The following CCDC13 variants were observed in gnomAD, a reference collection of about 807,000 sequenced individuals.
CCDC13 encodes the protein coiled-coil domain containing 13.
Under a neutral mutation model 87.3 loss-of-function variants are expected in CCDC13, and 70 were observed. That is an observed-to-expected ratio of 0.80 (90% CI 0.66 to 0.98). The LOEUF is 0.98. CCDC13 is among the 50% of genes least tolerant of loss of function. CCDC13 has a pLI of 0.00. For synonymous variants in CCDC13, 317 were observed against 360.3 expected (o/e 0.88, Z 1.36); for missense variants, 842 against 892.0 (o/e 0.94, Z 0.71).
chr3:42,723,332 G>A (rs1251862806), intron 13 of CCDC13, among the ~76,000 whole-genome samples: 1 of 152,108 alleles, frequency 6.6e-6, no homozygotes, highest in Admixed American at 6.6e-5. Flanking sequence ...ATTAGGTCAG[G>A]CCCACTCAGA....
chr3:42,714,000 C>T (rs2125869626), intron 13 of CCDC13: 1 of 152,272 alleles, frequency 6.6e-6, no homozygotes, highest in African/African-American at 2.4e-5. Flanking sequence ...GAATCCAGTT[C>T]CAGGTAGTTG....
intron 1 of CCDC13, among the ~76,000 whole-genome samples, chr3:42,764,974 C>T (rs1375295075): frequency 1.3e-5 from 2 of 152,334 alleles, no homozygotes; most frequent in African/African-American, 2.4e-5. Flanking sequence ...AGGCCTTCAA[C>T]TGTCATTTGT....
At chr3:42,724,997 T>C (rs75319458) in intron 13 of CCDC13, among the ~76,000 whole-genome samples, 4,252 of 152,180 alleles carry the variant, frequency 0.028, 185 homozygotes, top group African/African-American at 0.094. Flanking sequence ...CAAATAAAAA[T>C]ATAAACAACT....
chr3:42,738,178 C>T (rs954786690), intron 9 of CCDC13, among the ~76,000 whole-genome samples: 6 of 152,204 alleles, frequency 3.9e-5, no homozygotes, highest in African/African-American at 1.4e-4. Flanking sequence ...ATCCTTCCCC[C>T]ATTTCTTGTT....
downstream of CCDC13, chr3:42,704,144 C>CA (rs1030277755): frequency 6.8e-4 from 104 of 152,314 alleles, no homozygotes; most frequent in African/African-American, 2.4e-3. Flanking sequence ...TTAATGTCAC[C>CA]ACAGCCCATA....
intron 1 of CCDC13, among the ~76,000 whole-genome samples, chr3:42,763,309 C>T (rs967281150): frequency 1.3e-4 from 20 of 152,140 alleles, no homozygotes; most frequent in Non-Finnish European, 2.9e-5. Context: ...TTAGGCTGAA[C>T]TTAGAATATA....
At position 42,752,706 on chromosome 3, in the gene CCDC13, C is replaced by T. The variant is rs201462906; in HGVS notation, c.382G>A (p.Val128Ile). The change falls in exon 4 of 16, where the codon GTA becomes ATA. Residue 128 changes from valine to isoleucine, a missense_variant. Val to Ile is a conservative substitution (Grantham distance 29). Transcript: ENST00000310232. ...DRFAFTGTAG[V>I]AGDVVATKIV... The stretch of plus-strand genomic sequence containing the variant: ...TTGGTGGCGACCACGTCTCCGGCTA[C>T]ACCGGCTGTCCCTAAAATGAAAGGA... The T allele has an allele frequency of 1.1e-4, 170 of 1,614,006 alleles. No individual in the cohort carries two copies. The highest frequency in any genetic ancestry group is 4.5e-4 in the Admixed American group (27 of 60,010).
chr3:42,704,390 C>T (rs751751401), downstream of CCDC13: 3 of 152,274 alleles, frequency 2.0e-5, no homozygotes, highest in Non-Finnish European at 2.9e-5. Context: ...TGACCCTGAG[C>T]TGGTGTGACC....
intron 13 of CCDC13, among the ~76,000 whole-genome samples, chr3:42,729,564 G>A (rs1002161284): frequency 5.3e-5 from 8 of 152,292 alleles, no homozygotes; most frequent in Admixed American, 1.3e-4. Context: ...GGATACGGGC[G>A]CAGCACTGGC....
chr3:42,758,062 TACACACACACAC>T (rs3076826), intron 2 of CCDC13, 51 bp downstream of exon 2: 44 of 997,598 alleles, frequency 4.4e-5, no homozygotes, highest in East Asian at 1.0e-4. Flanking sequence ...GCTCCGGTGG[TACACACACACAC>T]ACACACACAC....
chr3:42,728,384 A>G (rs536314432), intron 13 of CCDC13, among the ~76,000 whole-genome samples: 1 of 152,242 alleles, frequency 6.6e-6, no homozygotes, highest in Non-Finnish European at 1.5e-5. Context: ...TAGGCAGAGA[A>G]AGACTCCCCC....
At chr3:42,746,250 A>G (rs2125899537) in intron 6 of CCDC13, 1 of 514,908 alleles carries the variant, frequency 1.9e-6, no homozygotes, top group South Asian at 2.6e-5. Context: ...CAATGCTTAG[A>G]GCAGCCAAGA....
chr3:42,731,962 G>A (rs1698845096), intron 12 of CCDC13, among the ~76,000 whole-genome samples: 1 of 152,208 alleles, frequency 6.6e-6, no homozygotes, highest in African/African-American at 2.4e-5. Flanking sequence ...GTGGCACAGA[G>A]GTCACAGCCA....
intron 7 of CCDC13, among the ~76,000 whole-genome samples, chr3:42,744,021 T>C (rs778357835): frequency 4.6e-5 from 7 of 152,192 alleles, no homozygotes; most frequent in Admixed American, 1.3e-4. Flanking sequence ...TATTGTGAAG[T>C]TGTCTGAGCC....
intron 2 of CCDC13, among the ~76,000 whole-genome samples, chr3:42,757,631 T>C (rs1275427834): frequency 6.6e-6 from 1 of 152,140 alleles, no homozygotes. Flanking sequence ...GGTGGAAGGA[T>C]TGCTTGAACC....
Position 42,739,724 on chromosome 3 carries a change from C to A in CCDC13, c.1074G>T (p.Leu358=). ...KFEGMRSRNK[L]LSSEMKTLKS... is the part of the protein sequence containing the mutation. ...TGAGGGTCTTCATCTCACTTGACAG[C>A]AGCTTGTTCCGAGACCTCATGCCCT... The change falls in exon 9 of 16, where the codon CTG becomes CTT. Residue 358 remains leucine (L), a synonymous_variant. Coordinates refer to ENST00000310232, the MANE Select transcript of CCDC13 (RefSeq NM_144719.4). The A allele has an allele frequency of 6.2e-7, 1 of 1,614,238 alleles. No homozygotes were observed.
At position 42,707,848 on chromosome 3, in the gene CCDC13, G is replaced by A. The variant is rs1698212372; in HGVS notation, c.*1132C>T. On this transcript the variant is annotated 3_prime_UTR_variant, in exon 16 of 16. Coordinates refer to ENST00000310232, the MANE Select transcript of CCDC13 (RefSeq NM_144719.4). ...GCTGTGGGTGCACCTGTGTGGCCAGGGTGTCGGAGTTGGGGTGTGTGGCTA... is the reference window on the plus strand; with the variant it reads ...GCTGTGGGTGCACCTGTGTGGCCAGAGTGTCGGAGTTGGGGTGTGTGGCTA... Among the ~76,000 whole-genome samples the A allele has an allele frequency of 6.6e-6, 1 of 152,174 alleles. No homozygotes were observed. Among genetic ancestry groups the A allele is most frequent in the African/African-American group, 2.4e-5 (1 of 41,432 alleles).
At chr3:42,735,594 GC>G in intron 10 of CCDC13, 112 bp downstream of exon 10, 1 of 1,124,184 alleles carries the variant, frequency 8.9e-7, no homozygotes, top group Non-Finnish European at 1.3e-6. Context: ...CCAAAGTGGA[GC>G]CAGGAAGGAT....
At chr3:42,713,722 C>T (rs149208877) in intron 13 of CCDC13, among the ~76,000 whole-genome samples, 3 of 152,198 alleles carry the variant, frequency 2.0e-5, no homozygotes, top group African/African-American at 4.8e-5. Context: ...TCTCCTCCTA[C>T]GAAACAGAAT....
Sources: allele counts gnomAD v4.1 joint callset (sites outside exome capture counted in the v4.1 genomes callset), GRCh38; gene constraint gnomAD v4.1.1; transcripts MANE v1.5; gene names NCBI Gene and HGNC (gene_info 2026-07-23, HGNC 2026-07-21).